Variants in RAB3C observed in about 807,000 individuals in gnomAD.
RAB3C encodes the protein ras-related protein Rab-3C.
In RAB3C, 17 loss-of-function variants were observed where a neutral mutation model predicts 26.4. The ratio of observed to expected loss-of-function variants is 0.64; its 90% CI spans 0.44 to 0.97. The LOEUF (loss-of-function observed/expected upper bound fraction) is 0.97, where lower values mean the gene tolerates loss of function less well. Ranked by LOEUF, RAB3C falls within the 50% of genes least tolerant of loss-of-function variation. The pLI, the probability that RAB3C is intolerant of heterozygous loss-of-function variation, is 0.00. For synonymous variants in RAB3C, 91 were observed against 95.9 expected (o/e 0.95, Z 0.30); for missense variants, 242 against 281.9 (o/e 0.86, Z 1.01).
chr5:58,708,118 G>C (rs1409638526), intron 2 of RAB3C, among the ~76,000 whole-genome samples: 1 of 151,558 alleles, frequency 6.6e-6, no homozygotes, highest in Non-Finnish European at 1.5e-5. Flanking sequence ...AGCCTCCCAA[G>C]TTGCTGAGAC....
At chr5:58,666,174 G>A (rs1430588107) in intron 2 of RAB3C, among the ~76,000 whole-genome samples, 1 of 152,058 alleles carries the variant, frequency 6.6e-6, no homozygotes, top group Non-Finnish European at 1.5e-5. Context: ...ATTTGGTTAG[G>A]GATTGCATAG....
chr5:58,744,755 A>G (rs761221137), intron 3 of RAB3C, among the ~76,000 whole-genome samples: 10 of 152,086 alleles, frequency 6.6e-5, no homozygotes, highest in Non-Finnish European at 1.0e-4. Flanking sequence ...AGGTTCTGTT[A>G]TGTTTCTCTG....
chr5:58,611,364 C>G (rs1017684423), intron 1 of RAB3C, among the ~76,000 whole-genome samples: 1 of 152,096 alleles, frequency 6.6e-6, no homozygotes, highest in Non-Finnish European at 1.5e-5. Flanking sequence ...ATAAGCATTC[C>G]TTTTTCTCTG....
chr5:58,598,605 C>T (rs1746378292), intron 1 of RAB3C, among the ~76,000 whole-genome samples: 1 of 152,102 alleles, frequency 6.6e-6, no homozygotes, highest in Non-Finnish European at 1.5e-5. Flanking sequence ...GGTCCTATCA[C>T]AGGGAATATG....
At chr5:58,773,871 A>G (rs1742073507) in intron 3 of RAB3C, among the ~76,000 whole-genome samples, 1 of 152,012 alleles carries the variant, frequency 6.6e-6, no homozygotes, top group African/African-American at 2.4e-5. Context: ...CAAGTTGCAA[A>G]TGCTGCTGGA....
At chr5:58,633,336 T>C (rs1414982703) in intron 2 of RAB3C, among the ~76,000 whole-genome samples, 1 of 152,034 alleles carries the variant, frequency 6.6e-6, no homozygotes, top group African/African-American at 2.4e-5. Context: ...AGATGGCAGA[T>C]CTTATGGAAA....
intron 2 of RAB3C, among the ~76,000 whole-genome samples, chr5:58,720,926 C>G (rs1740734292): frequency 6.6e-6 from 1 of 151,820 alleles, no homozygotes; most frequent in African/African-American, 2.4e-5. Context: ...TCCTACCTTA[C>G]AAATGACTGC....
chr5:58,590,994 G>T (rs1431970592), intron 1 of RAB3C, among the ~76,000 whole-genome samples: 1 of 152,170 alleles, frequency 6.6e-6, no homozygotes. Flanking sequence ...TGGCACTTAT[G>T]ATGTTTTTGT....
chr5:58,629,839 G>C (rs1747153947), intron 2 of RAB3C, among the ~76,000 whole-genome samples: 1 of 152,152 alleles, frequency 6.6e-6, no homozygotes, highest in South Asian at 2.1e-4. Flanking sequence ...TGGACCTTTT[G>C]GGAAAATTAT....
At chr5:58,803,285 T>A (rs1039266858) in intron 3 of RAB3C, among the ~76,000 whole-genome samples, 6 of 152,214 alleles carry the variant, frequency 3.9e-5, no homozygotes, top group African/African-American at 1.4e-4. Flanking sequence ...AAGCTGTTAA[T>A]GAAGTGAGAT....
chr5:58,748,945 T>C (rs768481657), intron 3 of RAB3C, among the ~76,000 whole-genome samples: 23 of 152,126 alleles, frequency 1.5e-4, no homozygotes, highest in Non-Finnish European at 2.8e-4. Flanking sequence ...ATCCCTGTTT[T>C]CCTCTTTAAT....
chr5:58,693,446 C>T (rs187153640), intron 2 of RAB3C, among the ~76,000 whole-genome samples: 17 of 150,202 alleles, frequency 1.1e-4, no homozygotes, highest in Admixed American at 2.7e-4. Context: ...TGGTTTCAAA[C>T]TATGAGAGGT....
In RAB3C at chr5:58,725,200, T is replaced by C. The variant is rs183196960; in HGVS notation, c.253-802T>C. 2.2e-4 allele frequency among the ~76,000 whole-genome samples: 33 copies of C among 152,010 alleles called. No individual in the cohort carries two copies. The East Asian group carries it at 6.2e-3, about 29-fold the overall frequency. ...ATAGATAAAGGATATTTTTGCTGGC[T>C]ACAGTATTCTTGGATGGCAGGTTTC... On this transcript the variant is annotated intron_variant, in intron 2 of 4. Coordinates refer to ENST00000282878, the MANE Select transcript of RAB3C (RefSeq NM_138453.4).
At chr5:58,774,908 TC>T in intron 3 of RAB3C, among the ~76,000 whole-genome samples, 1 of 152,174 alleles carries the variant, frequency 6.6e-6, no homozygotes, top group East Asian at 1.9e-4. Context: ...GGGGACCAGA[TC>T]TTGAGGGCCT....
intron 3 of RAB3C, among the ~76,000 whole-genome samples, chr5:58,734,075 A>G (rs1741085639): frequency 6.6e-6 from 1 of 152,198 alleles, no homozygotes; most frequent in African/African-American, 2.4e-5. Flanking sequence ...TTAAGAAATC[A>G]GAGGCTGAGG....
chr5:58,806,781 T>C (rs1444088393), intron 3 of RAB3C, among the ~76,000 whole-genome samples: 1 of 152,080 alleles, frequency 6.6e-6, no homozygotes, highest in Non-Finnish European at 1.5e-5. Context: ...GTTAGAATAA[T>C]CAGATGGAAA....
At chr5:58,648,633 C>G (rs919366962) in intron 2 of RAB3C, among the ~76,000 whole-genome samples, 2 of 152,140 alleles carry the variant, frequency 1.3e-5, no homozygotes, top group South Asian at 2.1e-4. Flanking sequence ...ATTTCATAGC[C>G]TCTAAGAGAG....
intron 3 of RAB3C, among the ~76,000 whole-genome samples, chr5:58,777,561 T>C (rs989195285): frequency 6.6e-6 from 1 of 151,830 alleles, no homozygotes; most frequent in Non-Finnish European, 1.5e-5. Flanking sequence ...ATATCTCCCA[T>C]AAGACTGGGA....
At chr5:58,648,842 A>AT (rs2111781968) in intron 2 of RAB3C, among the ~76,000 whole-genome samples, 1 of 152,120 alleles carries the variant, frequency 6.6e-6, no homozygotes, top group East Asian at 1.9e-4. Context: ...TCCAATTCTG[A>AT]TTTTCTCCTG....
Sources: allele counts gnomAD v4.1 joint callset (sites outside exome capture counted in the v4.1 genomes callset), GRCh38; gene constraint gnomAD v4.1.1; transcripts MANE v1.5; gene names NCBI Gene and HGNC (gene_info 2026-07-23, HGNC 2026-07-21).